WWOX: variants seen among roughly 807,000 people sequenced by gnomAD.
The protein encoded by WWOX is WW domain containing oxidoreductase.
A neutral mutation model predicts 46.2 loss-of-function variants in WWOX; 69 were observed. The ratio of observed to expected loss-of-function variants is 1.49; its 90% CI spans 1.23 to 1.82. WWOX has a LOEUF of 1.82. Among genes scored for constraint, WWOX ranks in the 40% most tolerant of loss-of-function variants. The probability of loss-of-function intolerance (pLI) is 0.00; values close to 1 mark genes in which losing one functional copy is unlikely to be tolerated. For missense variants in WWOX, 919 were observed against 542.6 expected (o/e 1.69, Z -6.89); for synonymous variants, 359 against 202.6 (o/e 1.77, Z -6.56).
In WWOX at chr16:78,385,134, A is replaced by AACACACACACACACACACAC. The variant is rs61262578; in HGVS notation, c.517-1718_517-1699dup. ...GGGCGACAGAGTGAGACTCCATCTA[A>AACACACACACACACACACAC]ACACACACACACACACACACACACA... On this transcript the variant is annotated intron_variant, in intron 5 of 8. Coordinates refer to ENST00000566780, the MANE Select transcript of WWOX (RefSeq NM_016373.4). 5.9e-3 allele frequency among the ~76,000 whole-genome samples: 845 copies of AACACACACACACACACACAC among 143,114 alleles called. 15 individuals are homozygous for AACACACACACACACACACAC. The highest frequency in any genetic ancestry group is 0.029 in the East Asian group (142 of 4,882). The allele number at this position is 143,114 out of a possible 152,430, so 93.9% of individuals were successfully genotyped here. A position where few individuals can be genotyped will look rare whatever the true frequency, so the allele number is the denominator to read the frequency against.
chr16:79,026,229 G>A (rs1169387962), intron 8 of WWOX, among the ~76,000 whole-genome samples: 1 of 151,664 alleles, frequency 6.6e-6, no homozygotes, highest in East Asian at 1.9e-4. Flanking sequence ...CAGCCCTGTT[G>A]ACACTTCCCT....
At chr16:78,764,175 G>A (rs1425303043) in intron 8 of WWOX, among the ~76,000 whole-genome samples, 1 of 152,146 alleles carries the variant, frequency 6.6e-6, no homozygotes, top group Non-Finnish European at 1.5e-5. Context: ...GCAGGTTACA[G>A]GGTGCCATAT....
At chr16:79,070,458 G>A (rs2048529039) in intron 8 of WWOX, among the ~76,000 whole-genome samples, 1 of 152,144 alleles carries the variant, frequency 6.6e-6, no homozygotes, top group South Asian at 2.1e-4. Flanking sequence ...TGGATTGCTA[G>A]GATTTTTACT....
At chr16:78,243,869 A>G (rs1353559757) in intron 5 of WWOX, among the ~76,000 whole-genome samples, 1 of 152,154 alleles carries the variant, frequency 6.6e-6, no homozygotes, top group Non-Finnish European at 1.5e-5. Context: ...CTTTATGTGC[A>G]TGTGTACTCA....
chr16:78,618,042 A>G (rs1431868270), intron 8 of WWOX, among the ~76,000 whole-genome samples: 1 of 152,174 alleles, frequency 6.6e-6, no homozygotes, highest in Non-Finnish European at 1.5e-5. Context: ...GTTCAGTGCT[A>G]TTCATGTGTT....
At chr16:78,805,221 C>G (rs183528504) in intron 8 of WWOX, among the ~76,000 whole-genome samples, 7 of 152,312 alleles carry the variant, frequency 4.6e-5, no homozygotes, top group Admixed American at 4.6e-4. Context: ...GAGTTCACCA[C>G]TGCCTCTGGA....
intron 8 of WWOX, among the ~76,000 whole-genome samples, chr16:79,168,945 C>G (rs1264228989): frequency 6.6e-6 from 1 of 152,182 alleles, no homozygotes; most frequent in Non-Finnish European, 1.5e-5. Flanking sequence ...CAAACTATCT[C>G]ACTTTGAAAA....
chr16:79,106,363 T>A (rs1238082687), intron 8 of WWOX, among the ~76,000 whole-genome samples: 1 of 152,162 alleles, frequency 6.6e-6, no homozygotes, highest in African/African-American at 2.4e-5. Context: ...ATTCAGAAGC[T>A]TGTGTTCACA....
At chr16:78,704,278 T>C (rs1423487099) in intron 8 of WWOX, among the ~76,000 whole-genome samples, 1 of 152,150 alleles carries the variant, frequency 6.6e-6, no homozygotes, top group Non-Finnish European at 1.5e-5. Flanking sequence ...ATAGCGGGTA[T>C]CTCCAAAATT....
At chr16:78,366,885 C>T (rs777486874) in intron 5 of WWOX, among the ~76,000 whole-genome samples, 1 of 149,894 alleles carries the variant, frequency 6.7e-6, no homozygotes. Flanking sequence ...AGTTTTCAAA[C>T]TTGCTTAATC....
At chr16:79,036,255 C>G (rs2047864032) in intron 8 of WWOX, among the ~76,000 whole-genome samples, 1 of 152,224 alleles carries the variant, frequency 6.6e-6, no homozygotes, top group Non-Finnish European at 1.5e-5. Flanking sequence ...GCCATGGGGC[C>G]TACTTTTTGC....
chr16:78,163,065 G>A (rs1191643956), intron 4 of WWOX, among the ~76,000 whole-genome samples: 1 of 152,118 alleles, frequency 6.6e-6, no homozygotes, highest in Non-Finnish European at 1.5e-5. Flanking sequence ...AACTTGATTA[G>A]ACAGATCTCC....
intron 8 of WWOX, among the ~76,000 whole-genome samples, chr16:78,859,027 A>AAATAT (rs1555551610): frequency 4.8e-3 from 114 of 23,652 alleles, no homozygotes; most frequent in Non-Finnish European, 5.4e-3. Flanking sequence ...AAAAAAAAAA[A>AAATAT]ATATATATAT....
chr16:78,889,461 T>A (rs1401401736), intron 8 of WWOX, among the ~76,000 whole-genome samples: 1 of 150,826 alleles, frequency 6.6e-6, no homozygotes, highest in Non-Finnish European at 1.5e-5. Context: ...CTCAGAGTGA[T>A]CATTCTTGCC....
chr16:78,980,360 A>G (rs1295414873), intron 8 of WWOX, among the ~76,000 whole-genome samples: 3 of 152,080 alleles, frequency 2.0e-5, no homozygotes, highest in African/African-American at 4.8e-5. Context: ...TTGCACTGCT[A>G]ATTTTATTCC....
intron 8 of WWOX, among the ~76,000 whole-genome samples, chr16:78,510,288 C>G (rs1332365618): frequency 4.6e-5 from 7 of 152,182 alleles, no homozygotes. Flanking sequence ...TCACCGCAAG[C>G]TCCGCCTCCT....
rs540027112 is a variant in WWOX at position 79,141,126 on chromosome 16, C to T, written c.1057-70482C>T. On this transcript the variant is annotated intron_variant, in intron 8 of 8. Coordinates refer to ENST00000566780, the MANE Select transcript of WWOX (RefSeq NM_016373.4). ...CTACTCGAAGTCACCCCTCTGTTCA[C>T]TGAGATAAATACATATCGGATTGCC... Among the ~76,000 whole-genome samples, 16 of 152,324 alleles carry T rather than the reference C, an allele frequency of 1.1e-4. No homozygotes were observed. In the South Asian group the frequency reaches 3.1e-3, roughly 30 times the overall value.
intron 8 of WWOX, among the ~76,000 whole-genome samples, chr16:78,698,010 A>T (rs1198577442): frequency 6.6e-6 from 1 of 152,218 alleles, no homozygotes; most frequent in African/African-American, 2.4e-5. Context: ...TTAGTAGGTC[A>T]AGATATACTA....
rs117285484 is a variant in WWOX, at chr16:78,966,568, C to T, written c.1057-245040C>T. ...AAATTTAGATTGTTTCTAAATTTTC[C>T]TTACTATAAGTAAGGCTAAAAAGTA... On this transcript the variant is annotated intron_variant, in intron 8 of 8. Coordinates refer to ENST00000566780, the MANE Select transcript of WWOX (RefSeq NM_016373.4). 7.5e-4 allele frequency among the ~76,000 whole-genome samples: 114 copies of T among 151,482 alleles called. 2 individuals carry two copies. The East Asian group carries it at 0.015, about 20-fold the overall frequency.
Sources: allele counts gnomAD v4.1 joint callset (sites outside exome capture counted in the v4.1 genomes callset), GRCh38; gene constraint gnomAD v4.1.1; transcripts MANE v1.5; gene names NCBI Gene and HGNC (gene_info 2026-07-23, HGNC 2026-07-21).